Variants in POPDC1 observed in about 807,000 individuals in gnomAD.
POPDC1 encodes popeye domain-containing protein 1.
At chr6:105,114,807 G>A in the POPDC1 span, among the ~76,000 whole-genome samples, 17 of 152,310 alleles carry the variant, frequency 1.1e-4, no homozygotes, top group South Asian at 2.5e-3. Context: ...CTTGGCAGGC[G>A]TGTGAATGAG....
At chr6:105,127,803 C>G in the POPDC1 span, among the ~76,000 whole-genome samples, 14 of 151,996 alleles carry the variant, frequency 9.2e-5, no homozygotes, top group African/African-American at 3.4e-4. Flanking sequence ...CTCTGTCACC[C>G]AGGCTGGAGT....
At chr6:105,101,234 G>C in the POPDC1 span, 1 of 1,591,142 alleles carries the variant, frequency 6.3e-7, no homozygotes. Flanking sequence ...ATACAGGAGG[G>C]AAAACCACTG....
the POPDC1 span, among the ~76,000 whole-genome samples, chr6:105,132,957 G>A: frequency 5.9e-5 from 9 of 152,044 alleles, no homozygotes. Flanking sequence ...TTTGGGAGGT[G>A]GTATTATTTT....
At chr6:105,101,234 GA>G in the POPDC1 span, 2 of 1,591,138 alleles carry the variant, frequency 1.3e-6, no homozygotes, top group Non-Finnish European at 1.7e-6. Flanking sequence ...ATACAGGAGG[GA>G]AAACCACTGA....
At chr6:105,110,860 A>AT in the POPDC1 span, among the ~76,000 whole-genome samples, 2 of 152,038 alleles carry the variant, frequency 1.3e-5, no homozygotes, top group Non-Finnish European at 2.9e-5. Context: ...ATTAAAACAA[A>AT]TTTTTTGTAG....
At chr6:105,101,113 T>C in the POPDC1 span, 2 of 1,612,744 alleles carry the variant, frequency 1.2e-6, no homozygotes, top group Non-Finnish European at 1.7e-6. Context: ...GGACTTTCAA[T>C]GTATTTGGAG....
the POPDC1 span, among the ~76,000 whole-genome samples, chr6:105,117,897 T>C: frequency 6.6e-6 from 1 of 151,988 alleles, no homozygotes; most frequent in African/African-American, 2.4e-5. Context: ...CATACACAAA[T>C]TAGATGGACA....
At chr6:105,101,105 A>G in the POPDC1 span, 1 of 1,611,874 alleles carries the variant, frequency 6.2e-7, no homozygotes, top group African/African-American at 1.3e-5. Flanking sequence ...CAGCTGATGG[A>G]CTTTCAATGT....
At chr6:105,110,866 TG>T in the POPDC1 span, among the ~76,000 whole-genome samples, 2 of 152,104 alleles carry the variant, frequency 1.3e-5, no homozygotes, top group African/African-American at 2.4e-5. Context: ...ACAAATTTTT[TG>T]TAGAGAGGGG....
the POPDC1 span, among the ~76,000 whole-genome samples, chr6:105,130,749 T>C: frequency 6.6e-6 from 1 of 152,198 alleles, no homozygotes. Context: ...TATAACACAA[T>C]GGTGAATATT....
At chr6:105,119,304 T>C in the POPDC1 span, among the ~76,000 whole-genome samples, 2 of 152,076 alleles carry the variant, frequency 1.3e-5, no homozygotes, top group South Asian at 2.1e-4. Flanking sequence ...TACCATTTCA[T>C]AGAAAGTATT....
the POPDC1 span, chr6:105,125,416 G>A: frequency 3.6e-5 from 58 of 1,614,002 alleles, no homozygotes; most frequent in Non-Finnish European, 4.2e-5. Flanking sequence ...ATACTCAGAC[G>A]GTCATCAACT....
the POPDC1 span, among the ~76,000 whole-genome samples, chr6:105,125,125 A>G: frequency 1.6e-3 from 242 of 152,370 alleles, no homozygotes; most frequent in African/African-American, 5.6e-3. Context: ...ATTTTGACTC[A>G]TATTTTTAAT....
At chr6:105,133,406 T>C in the POPDC1 span, 2 of 1,613,818 alleles carry the variant, frequency 1.2e-6, no homozygotes, top group South Asian at 1.1e-5. Context: ...GTAGTTGGAA[T>C]AACCAACCCA....
At chr6:105,102,253 G>A in the POPDC1 span, among the ~76,000 whole-genome samples, 1 of 152,188 alleles carries the variant, frequency 6.6e-6, no homozygotes, top group African/African-American at 2.4e-5. Context: ...AAAAGCGAGT[G>A]GAGGATCTAT....
At chr6:105,117,520 T>C in the POPDC1 span, among the ~76,000 whole-genome samples, 1 of 152,108 alleles carries the variant, frequency 6.6e-6, no homozygotes, top group Admixed American at 6.5e-5. Context: ...CAGTATTGTA[T>C]GTAGGAAAGC....
At chr6:105,126,653 C>T in the POPDC1 span, among the ~76,000 whole-genome samples, 3 of 152,114 alleles carry the variant, frequency 2.0e-5, no homozygotes, top group Non-Finnish European at 4.4e-5. Flanking sequence ...AATTTACTAA[C>T]TTTTAAATAT....
chr6:105,100,179 GTCAAA>G, the POPDC1 span: 2 of 152,036 alleles, frequency 1.3e-5, no homozygotes, highest in African/African-American at 4.8e-5. Context: ...AATAAAACCA[GTCAAA>G]TCACACCTTT....
the POPDC1 span, among the ~76,000 whole-genome samples, chr6:105,132,502 T>A: frequency 1.3e-5 from 2 of 152,292 alleles, no homozygotes; most frequent in East Asian, 3.9e-4. Context: ...CATCCCAGCA[T>A]CTGATACGCC....
Sources: allele counts gnomAD v4.1 joint callset (sites outside exome capture counted in the v4.1 genomes callset), GRCh38; gene constraint gnomAD v4.1.1; transcripts MANE v1.5; gene names NCBI Gene and HGNC (gene_info 2026-07-23, HGNC 2026-07-21).